The following NOL11 variants were observed in gnomAD, a reference collection of about 807,000 sequenced individuals.
NOL11 encodes nucleolar protein 11.
NOL11 carries 42 observed loss-of-function variants against 93.0 expected under a neutral mutation model. The observed-to-expected ratio is 0.45, with a 90% CI of 0.35 to 0.58. NOL11 has a LOEUF of 0.58. NOL11 is among the 20% of genes least tolerant of loss of function. The pLI, the probability that NOL11 is intolerant of heterozygous loss-of-function variation, is 0.00. For missense variants in NOL11, 775 were observed against 841.8 expected (o/e 0.92, Z 0.98); for synonymous variants, 296 against 293.7 (o/e 1.01, Z -0.08).
chr17:67,734,987 T>C lies in NOL11; in HGVS notation c.930+548T>C, dbSNP rs539452886. Among the ~76,000 whole-genome samples, 3 of 152,338 alleles carry C rather than the reference T, an allele frequency of 2.0e-5. No individual in the cohort carries two copies. The South Asian group carries it at 6.2e-4, about 32-fold the overall frequency. ...ACAGCTTTTGTTTTTAGCTGCTCTTTGGTTTTGTCTTTTTACTTATGTATT... is the reference window on the plus strand; with the variant it reads ...ACAGCTTTTGTTTTTAGCTGCTCTTCGGTTTTGTCTTTTTACTTATGTATT... On this transcript the variant is annotated intron_variant, in intron 8 of 17. Transcript: ENST00000253247.
rs1225650189 is a variant in NOL11, at chr17:67,737,956, T to C, written c.1513T>C (p.Leu505=). The change falls in exon 13 of 18, where the codon TTA becomes CTA. Residue 505 remains leucine, a synonymous_variant. Transcript: ENST00000253247. The part of the protein sequence containing the change: ...DIPESVTCAC[L]KIFLSIGDDS... The stretch of plus-strand genomic sequence containing the variant: ...TCCTGAATCAGTCACCTGTGCTTGC[T>C]TAAAAATTTTCTTGAGGTAAGTTAG... 6.2e-7 allele frequency: 1 copy of C among 1,608,924 alleles called. No homozygotes were observed. Among genetic ancestry groups the C allele is most frequent in the South Asian group, 1.1e-5 (1 of 90,316 alleles).
At chr17:67,718,439 T>C (rs748800218) in intron 1 of NOL11, among the ~76,000 whole-genome samples, 1 of 152,046 alleles carries the variant, frequency 6.6e-6, no homozygotes, top group Non-Finnish European at 1.5e-5. Flanking sequence ...GGAACGGAGA[T>C]TGGTTGGGCG....
At chr17:67,738,614 C>T (rs535692317) in intron 14 of NOL11, 1 of 474,980 alleles carries the variant, frequency 2.1e-6, no homozygotes, top group African/African-American at 2.0e-5. Context: ...GGAGGATTGT[C>T]TGAGCCCAGG....
At position 67,720,076 on chromosome 17, in the gene NOL11, C is replaced by G. The variant is rs551915823; in HGVS notation, c.312+114C>G. The G allele has an allele frequency of 8.3e-6, 8 of 962,282 alleles. No homozygotes were observed. The African/African-American group carries it at 8.4e-5, about 10-fold the overall frequency. The allele number at this position is 962,282 out of a possible 1,614,324, so 59.6% of individuals were successfully genotyped here. A position where few individuals can be genotyped will look rare whatever the true frequency, so the allele number is the denominator to read the frequency against. ...CCTCTGGGAAAATAAGCATAAGGTCCTAATCAGGTTTTCATTCTAATTATC... is the reference window on the plus strand; with the variant it reads ...CCTCTGGGAAAATAAGCATAAGGTCGTAATCAGGTTTTCATTCTAATTATC... On this transcript the variant is annotated intron_variant, in intron 3 of 17. Coordinates refer to ENST00000253247, the MANE Select transcript of NOL11 (RefSeq NM_015462.5).
chr17:67,724,114 A>C lies in NOL11; in HGVS notation c.585A>C (p.Leu195Phe), dbSNP rs144436026. ...GTATCTTAACCAAATATACACTCTTACTTGGACAAGACGAAAACTCTGTTA... is the reference window on the plus strand; with the variant it reads ...GTATCTTAACCAAATATACACTCTTCCTTGGACAAGACGAAAACTCTGTTA... ...NSRILTKYTL[L>F]LGQDENSVIK... is the part of the protein sequence containing the mutation. The change falls in exon 6 of 18, where the codon TTA becomes TTC. Residue 195 changes from leucine (L) to phenylalanine (F), a missense_variant. By Grantham distance (22) the Leu-to-Phe change is conservative. This residue lies in a region of NOL11 where 359 missense variants were observed against 316.5 expected (regional missense o/e 1.13). Coordinates refer to ENST00000253247, the MANE Select transcript of NOL11 (RefSeq NM_015462.5). 6.3e-7 allele frequency: 1 copy of C among 1,594,286 alleles called. No homozygotes were observed. Among genetic ancestry groups the C allele is most frequent in the Non-Finnish European group, 8.6e-7 (1 of 1,169,442 alleles).
chr17:67,722,808 C>T (rs1599035456), intron 5 of NOL11, among the ~76,000 whole-genome samples, 171 bp downstream of exon 5: 1 of 152,102 alleles, frequency 6.6e-6, no homozygotes, highest in Admixed American at 6.6e-5. Context: ...TTCAGCCTGC[C>T]GAGTTGCCTC....
chr17:67,725,601 A>G (rs1178577229), intron 6 of NOL11, among the ~76,000 whole-genome samples: 1 of 152,186 alleles, frequency 6.6e-6, no homozygotes, highest in Admixed American at 6.5e-5. Flanking sequence ...TATCATTTTC[A>G]TATCTTGGGG....
intron 8 of NOL11, among the ~76,000 whole-genome samples, chr17:67,735,688 G>A (rs1300440507): frequency 6.6e-6 from 1 of 152,054 alleles, no homozygotes; most frequent in Non-Finnish European, 1.5e-5. Flanking sequence ...ATTTTTCTGA[G>A]TTGAAAATAT....
intron 7 of NOL11, among the ~76,000 whole-genome samples, chr17:67,732,630 G>A (rs2055164437): frequency 6.6e-6 from 1 of 151,788 alleles, no homozygotes; most frequent in Non-Finnish European, 1.5e-5. Flanking sequence ...CTGGAGTGCA[G>A]TGGCATGATC....
intron 16 of NOL11, among the ~76,000 whole-genome samples, chr17:67,741,409 A>G (rs1168194930): frequency 6.6e-6 from 1 of 151,942 alleles, no homozygotes; most frequent in Non-Finnish European, 1.5e-5. Flanking sequence ...TTGTAGAGAC[A>G]GGGACTCCCT....
chr17:67,743,635 C>A, intron 17 of NOL11, 49 bp downstream of exon 17: 4 of 1,262,974 alleles, frequency 3.2e-6, no homozygotes, highest in South Asian at 1.3e-5. Flanking sequence ...CCAAGTATCA[C>A]CTGAATTACA....
intron 7 of NOL11, among the ~76,000 whole-genome samples, chr17:67,729,871 G>A (rs931803607): frequency 2.6e-5 from 4 of 152,118 alleles, no homozygotes; most frequent in Non-Finnish European, 2.9e-5. Flanking sequence ...GAGCCACCGC[G>A]CCCGGCCCAT....
chr17:67,737,748 T>C (rs2055216023), intron 12 of NOL11, 56 bp downstream of exon 12: 2 of 1,583,948 alleles, frequency 1.3e-6, no homozygotes, highest in Non-Finnish European at 1.7e-6. Context: ...CCTTGTTTTT[T>C]ATAGTTCTAA....
chr17:67,737,715 C>G, intron 12 of NOL11, 23 bp downstream of exon 12: 1 of 1,606,340 alleles, frequency 6.2e-7, no homozygotes, highest in Non-Finnish European at 8.5e-7. Context: ...GTGTACCACA[C>G]TGTACGTGCA....
intron 6 of NOL11, among the ~76,000 whole-genome samples, chr17:67,724,997 G>A (rs2055076896): frequency 6.6e-6 from 1 of 152,210 alleles, no homozygotes; most frequent in Non-Finnish European, 1.5e-5. Context: ...GGCGGAGCTT[G>A]CAGTGAGCTG....
intron 4 of NOL11, among the ~76,000 whole-genome samples, chr17:67,721,794 TC>T (rs2043219314): frequency 6.6e-6 from 1 of 152,168 alleles, no homozygotes; most frequent in East Asian, 1.9e-4. Flanking sequence ...ATCTTTTTGT[TC>T]CTCTCATATT....
Position 67,721,587 on chromosome 17 carries a change from C to A in NOL11, c.461+61C>A, listed in dbSNP as rs1002674700. On this transcript the variant is annotated intron_variant, in intron 4 of 17. Coordinates refer to ENST00000253247, the MANE Select transcript of NOL11 (RefSeq NM_015462.5). The stretch of plus-strand genomic sequence containing the variant: ...TAAAAATGCACTGAACATTTTTTTG[C>A]CTTGTTCAAAAGTATTTTGGTTATA... The A allele has an allele frequency of 8.5e-5, 121 of 1,425,906 alleles. No homozygotes were observed. In the African/African-American group the frequency reaches 1.6e-3, roughly 19 times the overall value. The allele number at this position is 1,425,906 out of a possible 1,614,324, so 88.3% of individuals were successfully genotyped here.
chr17:67,723,947 C>A (rs1008244930), intron 5 of NOL11, 102 bp from the exon 6 acceptor site: 2 of 724,206 alleles, frequency 2.8e-6, no homozygotes, highest in Non-Finnish European at 4.5e-6. Context: ...TTTAAGTACT[C>A]ATTGATGTAA....
rs2055183974 is a variant in NOL11 at position 67,734,535 on chromosome 17, G to T, written c.930+96G>T. The T allele has an allele frequency of 6.8e-6, 5 of 734,072 alleles. No individual in the cohort carries two copies. In the South Asian group the frequency reaches 8.3e-5, roughly 12 times the overall value. 45.5% of individuals were successfully genotyped at this position (734,072 alleles called of 1,614,324 possible). Reference sequence around the variant, plus strand: ...GATGGGGCCTCACTCTGTTGCCCAGGCTGGTCTTTTACTCTTGGGCTCAAG... The same window carrying T: ...GATGGGGCCTCACTCTGTTGCCCAGTCTGGTCTTTTACTCTTGGGCTCAAG... On this transcript the variant is annotated intron_variant, in intron 8 of 17. Transcript: ENST00000253247.
Sources: allele counts gnomAD v4.1 joint callset (sites outside exome capture counted in the v4.1 genomes callset), GRCh38; gene constraint gnomAD v4.1.1; regional missense constraint gnomAD v4.1.1; transcripts MANE v1.5; gene names NCBI Gene and HGNC (gene_info 2026-07-23, HGNC 2026-07-21).